KCNIP4: variants seen among roughly 807,000 people sequenced by gnomAD.
KCNIP4 encodes the protein potassium voltage-gated channel interacting protein 4, also known as Kv channel-interacting protein 4.
KCNIP4 carries 12 observed loss-of-function variants against 34.0 expected under a neutral mutation model. The ratio of observed to expected loss-of-function variants is 0.35; its 90% CI spans 0.23 to 0.57. KCNIP4 has a LOEUF of 0.57. Among genes scored for constraint, KCNIP4 ranks in the 20% least tolerant of loss-of-function variants. KCNIP4 has a pLI of 0.83. For synonymous variants in KCNIP4, 124 were observed against 102.2 expected, an observed-to-expected ratio of 1.21 and a Z score of -1.29; for missense variants, 238 against 311.7, an observed-to-expected ratio of 0.76 and a Z score of 1.78.
intron 1 of KCNIP4, among the ~76,000 whole-genome samples, chr4:20,997,962 A>G (rs1237231404): frequency 6.6e-6 from 1 of 152,188 alleles, no homozygotes. Context: ...GTTCTTGAGA[A>G]ACCATCAGGT....
intron 1 of KCNIP4, among the ~76,000 whole-genome samples, chr4:21,868,480 C>T (rs1725563741): frequency 6.6e-6 from 1 of 152,122 alleles, no homozygotes; most frequent in Admixed American, 6.5e-5. Context: ...TGCTATGACA[C>T]CGTTTTCAAA....
At chr4:20,876,231 T>C (rs923234148) in intron 2 of KCNIP4, among the ~76,000 whole-genome samples, 2 of 152,112 alleles carry the variant, frequency 1.3e-5, no homozygotes, top group African/African-American at 4.8e-5. Context: ...TATTATTTCC[T>C]GACCATTATC....
intron 2 of KCNIP4, among the ~76,000 whole-genome samples, chr4:20,858,621 C>T (rs1429372560): frequency 6.6e-6 from 1 of 151,974 alleles, no homozygotes; most frequent in Non-Finnish European, 1.5e-5. Context: ...AGTAACTTGG[C>T]CATAACCCAA....
intron 8 of KCNIP4, among the ~76,000 whole-genome samples, chr4:20,731,149 A>G (rs1334572457): frequency 6.6e-6 from 1 of 152,200 alleles, no homozygotes; most frequent in African/African-American, 2.4e-5. Context: ...CAGTGGCACA[A>G]TCATGGCTCA....
At chr4:21,750,279 T>C (rs80225786) in intron 1 of KCNIP4, among the ~76,000 whole-genome samples, 2 of 152,176 alleles carry the variant, frequency 1.3e-5, no homozygotes, top group Non-Finnish European at 2.9e-5. Context: ...GATGCTGGCA[T>C]TTCAAACATG....
rs55649635 is a variant in KCNIP4, at chr4:21,166,938, C to CAAAAAAAAAAAAAAAAAAAAAAAA, written c.62-284253_62-284230dup. Among the ~76,000 whole-genome samples, 6 of 37,562 alleles carry CAAAAAAAAAAAAAAAAAAAAAAAA rather than the reference C, an allele frequency of 1.6e-4. 1 individual carries two copies. Among genetic ancestry groups the CAAAAAAAAAAAAAAAAAAAAAAAA allele is most frequent in the African/African-American group, 6.4e-4 (6 of 9,322 alleles). 24.6% of individuals were successfully genotyped at this position (37,562 alleles called of 152,430 possible). A position where few individuals can be genotyped will look rare whatever the true frequency, so the allele number is the denominator to read the frequency against. On this transcript the variant is annotated intron_variant, in intron 1 of 8. Transcript: ENST00000382152. ...TGGGGGACAGAGCTACACTCCATCTCAAAAAAAAAAAAAAAAAAAAAAAAA... is the reference window on the plus strand; with the variant it reads ...TGGGGGACAGAGCTACACTCCATCTCAAAAAAAAAAAAAAAAAAAAAAAAAAAAAAAAAAAAAAAAAAAAAAAAA...
chr4:21,092,971 T>C (rs1023546412), intron 1 of KCNIP4, among the ~76,000 whole-genome samples: 3 of 152,222 alleles, frequency 2.0e-5, no homozygotes, highest in African/African-American at 7.2e-5. Context: ...GGCATACAAG[T>C]ACTTTGCAAC....
intron 1 of KCNIP4, among the ~76,000 whole-genome samples, chr4:21,091,544 G>A (rs907191175): frequency 8.5e-5 from 13 of 152,118 alleles, no homozygotes; most frequent in African/African-American, 2.9e-4. Context: ...TCCATTTTAT[G>A]TATGAAATCT....
chr4:20,961,161 G>A (rs564370090), intron 1 of KCNIP4, among the ~76,000 whole-genome samples: 52 of 152,162 alleles, frequency 3.4e-4, no homozygotes, highest in African/African-American at 1.3e-3. Flanking sequence ...AGTAAAAAAT[G>A]TTTATTTTTT....
chr4:20,950,784 T>G (rs1417498947), intron 1 of KCNIP4, among the ~76,000 whole-genome samples: 1 of 152,162 alleles, frequency 6.6e-6, no homozygotes, highest in East Asian at 1.9e-4. Flanking sequence ...CAACTTGACT[T>G]CTTCAAACCA....
chr4:21,872,008 T>C (rs1725850877), intron 1 of KCNIP4, among the ~76,000 whole-genome samples: 1 of 151,926 alleles, frequency 6.6e-6, no homozygotes, highest in Non-Finnish European at 1.5e-5. Flanking sequence ...GTCTGAATAA[T>C]ATTTTTTAAC....
At chr4:21,835,635 G>T (rs1424429059) in intron 1 of KCNIP4, among the ~76,000 whole-genome samples, 1 of 151,452 alleles carries the variant, frequency 6.6e-6, no homozygotes, top group Non-Finnish European at 1.5e-5. Flanking sequence ...AATCTTACTT[G>T]TATATGTTTC....
At chr4:21,100,699 A>AT (rs1412100327) in intron 1 of KCNIP4, among the ~76,000 whole-genome samples, 5 of 152,120 alleles carry the variant, frequency 3.3e-5, no homozygotes, top group Non-Finnish European at 5.9e-5. Flanking sequence ...GATCATCAGC[A>AT]TTTTTTTGGC....
chr4:21,713,576 C>T lies in KCNIP4; in HGVS notation c.61+234995G>A, dbSNP rs78939976. On this transcript the variant is annotated intron_variant, in intron 1 of 8. Coordinates refer to ENST00000382152, the MANE Select transcript of KCNIP4 (RefSeq NM_025221.6). Reference sequence around the variant, plus strand: ...AGAATGTTAAGGTTGTCCATCACCTCGAGTATTTGTCATTTCTAAGTGTTG... The same window carrying T: ...AGAATGTTAAGGTTGTCCATCACCTTGAGTATTTGTCATTTCTAAGTGTTG... 5.3e-4 allele frequency among the ~76,000 whole-genome samples: 81 copies of T among 152,258 alleles called. No individual in the cohort carries two copies. In the East Asian group the frequency reaches 0.013, roughly 25 times the overall value.
chr4:20,847,305 G>T (rs1720499392), intron 3 of KCNIP4, among the ~76,000 whole-genome samples: 3 of 152,156 alleles, frequency 2.0e-5, no homozygotes, highest in African/African-American at 7.2e-5. Context: ...TGACACCGAA[G>T]CTTATGATAA....
chr4:21,146,703 T>C (rs2109229268), intron 1 of KCNIP4, among the ~76,000 whole-genome samples: 1 of 152,272 alleles, frequency 6.6e-6, no homozygotes, highest in African/African-American at 2.4e-5. Context: ...AAGGAAAATA[T>C]TGACAGTGTA....
intron 1 of KCNIP4, among the ~76,000 whole-genome samples, chr4:20,905,084 T>C (rs1727591463): frequency 6.6e-6 from 1 of 152,208 alleles, no homozygotes; most frequent in South Asian, 2.1e-4. Context: ...ATAGGAAGTG[T>C]GTTACGTTGC....
At chr4:20,794,714 G>A (rs1560469544) in intron 3 of KCNIP4, among the ~76,000 whole-genome samples, 1 of 152,158 alleles carries the variant, frequency 6.6e-6, no homozygotes, top group Admixed American at 6.5e-5. Flanking sequence ...TGTGGGTTAT[G>A]CGATATTTGC....
chr4:20,834,745 G>T (rs980390321), intron 3 of KCNIP4, among the ~76,000 whole-genome samples: 4 of 152,186 alleles, frequency 2.6e-5, no homozygotes, highest in Admixed American at 6.5e-5. Context: ...CAAAGGCAAG[G>T]TTCTTGTGGG....
Sources: gnomAD v4.1 joint callset for allele counts (sites outside exome capture counted in the v4.1 genomes callset) on GRCh38, gnomAD v4.1.1 for gene constraint, MANE v1.5 for transcripts, NCBI Gene and HGNC (gene_info 2026-07-23, HGNC 2026-07-21) for gene names.